Variants in TUSC3 observed in about 807,000 individuals in gnomAD.
TUSC3 encodes dolichyl-diphosphooligosaccharide--protein glycosyltransferase subunit TUSC3.
In TUSC3, 45 loss-of-function variants were observed where a neutral mutation model predicts 44.8. The observed-to-expected ratio is 1.00, with a 90% confidence interval of 0.79 to 1.29. TUSC3 has a LOEUF of 1.29. TUSC3 is among the 50% of genes most tolerant of loss of function. The probability of loss-of-function intolerance (pLI) is 0.00; values close to 1 mark genes in which losing one functional copy is unlikely to be tolerated. For synonymous variants in TUSC3, 212 were observed against 152.9 expected, an observed-to-expected ratio of 1.39 and a Z score of -2.85; for missense variants, 519 against 437.9, an observed-to-expected ratio of 1.19 and a Z score of -1.65.
At chr8:15,493,551 C>T (rs1275174916) in intron 2 of TUSC3, among the ~76,000 whole-genome samples, 2 of 152,178 alleles carry the variant, frequency 1.3e-5, no homozygotes, top group Non-Finnish European at 2.9e-5. Context: ...GTGTGAGCTA[C>T]TGAGCCCAGC....
chr8:15,652,991 T>C (rs2129176465), intron 3 of TUSC3, among the ~76,000 whole-genome samples: 1 of 152,368 alleles, frequency 6.6e-6, no homozygotes, highest in African/African-American at 2.4e-5. Context: ...ACATCTTATT[T>C]ACTTTTACAA....
chr8:15,609,245 G>A (rs904687504), intron 1 of TUSC3, among the ~76,000 whole-genome samples: 2 of 152,020 alleles, frequency 1.3e-5, no homozygotes, highest in African/African-American at 4.8e-5. Flanking sequence ...CATAATATGT[G>A]GCCATTAATA....
chr8:15,507,423 A>C (rs1585069791), intron 2 of TUSC3, among the ~76,000 whole-genome samples: 1 of 152,308 alleles, frequency 6.6e-6, no homozygotes, highest in East Asian at 1.9e-4. Context: ...GCACAGTTGA[A>C]AGTGGAATAT....
intron 1 of TUSC3, among the ~76,000 whole-genome samples, chr8:15,463,215 A>T (rs772708106): frequency 6.6e-6 from 1 of 152,220 alleles, no homozygotes; most frequent in African/African-American, 2.4e-5. Flanking sequence ...AGACTGATTT[A>T]CTACAAATTA....
the TUSC3 span, among the ~76,000 whole-genome samples, chr8:15,810,788 G>T: frequency 6.6e-6 from 1 of 152,162 alleles, no homozygotes; most frequent in African/African-American, 2.4e-5. Flanking sequence ...CATCTGTAGA[G>T]AATCTCCGTT....
At chr8:15,834,548 A>G in the TUSC3 span, among the ~76,000 whole-genome samples, 87,243 of 151,406 alleles carry the variant, frequency 0.58, 27,031 homozygotes, top group Non-Finnish European at 0.72. Flanking sequence ...CCTTTTTAAC[A>G]AGTTTTCATT....
At chr8:15,778,594 T>A in the TUSC3 span, among the ~76,000 whole-genome samples, 1 of 152,206 alleles carries the variant, frequency 6.6e-6, no homozygotes, top group Admixed American at 6.5e-5. Context: ...TCTCACCCCT[T>A]TCTCTTCCAA....
chr8:15,820,310 CTTT>C, the TUSC3 span, among the ~76,000 whole-genome samples: 2,391 of 97,628 alleles, frequency 0.024, 45 homozygotes, highest in African/African-American at 0.082. Flanking sequence ...ATCTGTAATT[CTTT>C]TTTTTTTTTT....
intron 2 of TUSC3, among the ~76,000 whole-genome samples, chr8:15,531,386 G>C (rs1385441467): frequency 6.6e-6 from 1 of 152,140 alleles, no homozygotes; most frequent in Non-Finnish European, 1.5e-5. Flanking sequence ...CGCATAGCTG[G>C]GATTACAGGC....
chr8:15,475,674 C>G (rs1215481663), intron 1 of TUSC3, among the ~76,000 whole-genome samples: 1 of 152,050 alleles, frequency 6.6e-6, no homozygotes, highest in African/African-American at 2.4e-5. Flanking sequence ...TTTACATAAT[C>G]ATTTTGGTTT....
At position 15,748,463 on chromosome 8, in the gene TUSC3, T is replaced by C. The variant is rs377197174; in HGVS notation, c.1026T>C (p.Tyr342=). 3.6e-5 allele frequency: 57 copies of C among 1,602,106 alleles called. No individual in the cohort carries two copies. The highest frequency in any genetic ancestry group is 2.7e-5 in the African/African-American group (2 of 74,626). The part of the protein sequence containing the change: ...IFRSKYHGYP[Y]SDLDFE ...GTTCCAAGTACCACGGCTATCCTTATAGGTAATATCTTTATACTAACATGA... is the reference window on the plus strand; with the variant it reads ...GTTCCAAGTACCACGGCTATCCTTACAGGTAATATCTTTATACTAACATGA... Residue 342 remains tyrosine, a splice_region_variant and synonymous_variant, in exon 9 of 11, where the codon TAT becomes TAC. Transcript: ENST00000503731.
At chr8:15,760,433 A>G (rs993873571) in intron 10 of TUSC3, among the ~76,000 whole-genome samples, 1 of 152,214 alleles carries the variant, frequency 6.6e-6, no homozygotes, top group Non-Finnish European at 1.5e-5. Context: ...ATGAATTGCC[A>G]CAACTATTTT....
chr8:15,624,053 G>C (rs545804784), intron 2 of TUSC3, among the ~76,000 whole-genome samples: 1 of 152,004 alleles, frequency 6.6e-6, no homozygotes, highest in South Asian at 2.1e-4. Context: ...AGAATCTTAG[G>C]TAAATGGAAT....
At chr8:15,477,891 G>T (rs1231353491) in intron 1 of TUSC3, among the ~76,000 whole-genome samples, 3 of 151,512 alleles carry the variant, frequency 2.0e-5, no homozygotes, top group Non-Finnish European at 4.4e-5. Flanking sequence ...TTCCAACTAG[G>T]CTCCATAACA....
chr8:15,762,616 T>TAAAC (rs1812207025), intron 10 of TUSC3, among the ~76,000 whole-genome samples: 1 of 152,164 alleles, frequency 6.6e-6, no homozygotes, highest in South Asian at 2.1e-4. Context: ...GCAGAGCCTT[T>TAAAC]AAACACTAAA....
At chr8:15,723,313 C>T (rs1810377870) in intron 6 of TUSC3, among the ~76,000 whole-genome samples, 1 of 152,138 alleles carries the variant, frequency 6.6e-6, no homozygotes, top group Non-Finnish European at 1.5e-5. Flanking sequence ...ATTGCTGACA[C>T]CTCACAGAGA....
chr8:15,537,970 G>A (rs7830920), upstream of TUSC3, among the ~76,000 whole-genome samples: 2,551 of 152,232 alleles, frequency 0.017, 60 homozygotes, highest in African/African-American at 0.057. Flanking sequence ...GCAAAAATAC[G>A]CAAGAGGCAA....
At chr8:15,739,840 T>G (rs974498660) in intron 7 of TUSC3, among the ~76,000 whole-genome samples, 1 of 152,192 alleles carries the variant, frequency 6.6e-6, no homozygotes, top group African/African-American at 2.4e-5. Flanking sequence ...ACTTTTGTGC[T>G]TTTTTGCTTT....
chr8:15,548,787 C>A (rs1440041022), intron 1 of TUSC3, among the ~76,000 whole-genome samples: 1 of 151,830 alleles, frequency 6.6e-6, no homozygotes, highest in Non-Finnish European at 1.5e-5. Context: ...CTCCAGAATT[C>A]TCCTTCTACC....
Sources: gnomAD v4.1 joint callset for allele counts (sites outside exome capture counted in the v4.1 genomes callset) on GRCh38, gnomAD v4.1.1 for gene constraint, MANE v1.5 for transcripts, NCBI Gene and HGNC (gene_info 2026-07-23, HGNC 2026-07-21) for gene names.